The following PTPRO variants were observed in gnomAD, a reference collection of about 807,000 sequenced individuals.
PTPRO encodes the protein protein tyrosine phosphatase receptor type O.
A neutral mutation model predicts 145.2 loss-of-function variants in PTPRO; 62 were observed. The observed-to-expected ratio is 0.43, with a 90% CI of 0.35 to 0.53. The LOEUF (loss-of-function observed/expected upper bound fraction) is 0.53. Among genes scored for constraint, PTPRO ranks in the 20% least tolerant of loss-of-function variants. The pLI is 0.01. For missense variants in PTPRO, 1,345 were observed against 1,482.7 expected (o/e 0.91, Z 1.53); for synonymous variants, 565 against 514.7 (o/e 1.10, Z -1.32).
chr12:15,332,992 T>G (rs1280313343), intron 1 of PTPRO, among the ~76,000 whole-genome samples: 1 of 152,182 alleles, frequency 6.6e-6, no homozygotes, highest in Non-Finnish European at 1.5e-5. Context: ...TCACACAACT[T>G]TAAGCTATTT....
At chr12:15,592,601 C>T (rs1181639557) in intron 25 of PTPRO, among the ~76,000 whole-genome samples, 3 of 152,156 alleles carry the variant, frequency 2.0e-5, no homozygotes, top group Admixed American at 6.5e-5. Context: ...CTTCTTCACG[C>T]AAGTAGAGGC....
At chr12:15,347,789 T>A (rs188354030) in intron 1 of PTPRO, among the ~76,000 whole-genome samples, 1 of 152,228 alleles carries the variant, frequency 6.6e-6, no homozygotes, top group Non-Finnish European at 1.5e-5. Flanking sequence ...ATCTGGTCTA[T>A]TTAGTTACAA....
At chr12:15,498,890 T>C (rs193106004) in intron 3 of PTPRO, among the ~76,000 whole-genome samples, 177 of 152,336 alleles carry the variant, frequency 1.2e-3, no homozygotes, top group Non-Finnish European at 1.9e-3. Context: ...TTCTCTCATT[T>C]CTTTTGAGTT....
At chr12:15,385,923 T>A (rs1939014613) in intron 1 of PTPRO, among the ~76,000 whole-genome samples, 1 of 151,992 alleles carries the variant, frequency 6.6e-6, no homozygotes, top group South Asian at 2.1e-4. Flanking sequence ...TTTCTCAGCC[T>A]TGGTTCTGGG....
intron 16 of PTPRO, among the ~76,000 whole-genome samples, chr12:15,559,485 A>T (rs1943719285): frequency 6.6e-6 from 1 of 152,194 alleles, no homozygotes; most frequent in South Asian, 2.1e-4. Flanking sequence ...AGGCATTTAA[A>T]TCAACAGTCT....
intron 1 of PTPRO, among the ~76,000 whole-genome samples, chr12:15,373,282 T>C (rs974703293): frequency 2.6e-5 from 4 of 152,190 alleles, no homozygotes; most frequent in Admixed American, 2.6e-4. Context: ...AATTGTCTTG[T>C]GAGCAGCATA....
intron 13 of PTPRO, among the ~76,000 whole-genome samples, chr12:15,546,934 T>G (rs573703319): frequency 6.6e-6 from 1 of 152,264 alleles, no homozygotes; most frequent in South Asian, 2.1e-4. Flanking sequence ...CATAAGTCAC[T>G]CCAGGTCAGA....
Position 15,549,077 on chromosome 12 carries a change from A to G in PTPRO, c.2305-17A>G, listed in dbSNP as rs761776188. ...ATGAAGTTAACCTAAAATTTACCTTATTTTCTGAAACCCCAGGAACCAGTT... is the reference window on the plus strand; with the variant it reads ...ATGAAGTTAACCTAAAATTTACCTTGTTTTCTGAAACCCCAGGAACCAGTT... On this transcript the variant is annotated splice_polypyrimidine_tract_variant and intron_variant, in intron 13 of 26. Coordinates refer to ENST00000281171, the MANE Select transcript of PTPRO (RefSeq NM_030667.3). 2 of 1,612,324 alleles carry G rather than the reference A, an allele frequency of 1.2e-6. No homozygotes were observed. The highest frequency in any genetic ancestry group is 1.7e-6 in the Non-Finnish European group (2 of 1,178,882).
At position 15,322,586 on chromosome 12, in the gene PTPRO, G is replaced by A; in HGVS notation, c.-141G>A. The A allele has an allele frequency of 1.4e-6, 1 of 726,880 alleles. No homozygotes were observed. The highest frequency in any genetic ancestry group is 2.5e-6 in the Non-Finnish European group (1 of 403,450). The allele number at this position is 726,880 out of a possible 1,614,324, so 45.0% of individuals were successfully genotyped here. On this transcript the variant is annotated 5_prime_UTR_variant, in exon 1 of 27. Transcript: ENST00000281171. This position sits in a 1 kb window ranked among gnomAD's most constrained non-coding sequence, Gnocchi z 6.3. The stretch of plus-strand genomic sequence containing the variant: ...AGGAGGAAAGGGAGCAGGCGCAGGG[G>A]GACTGGAAAGGCAGCATGCGCTCGC...
At chr12:15,358,475 C>G (rs930567145) in intron 1 of PTPRO, among the ~76,000 whole-genome samples, 1 of 152,118 alleles carries the variant, frequency 6.6e-6, no homozygotes, top group Non-Finnish European at 1.5e-5. Context: ...CTACTCCTAC[C>G]TAACTCCCCC....
In PTPRO at chr12:15,322,681, G is replaced by T. The variant is rs770122069; in HGVS notation, c.-46G>T. On this transcript the variant is annotated 5_prime_UTR_variant, in exon 1 of 27. Coordinates refer to ENST00000281171, the MANE Select transcript of PTPRO (RefSeq NM_030667.3). The surrounding 1 kb of genome is among the most constrained non-coding windows in gnomAD (Gnocchi z 6.3). ...TCGCCATTGTGAGCCGCCGCCGGGGGAGTCCGCTAGCGCAGCCGTGCCCCC... is the reference window on the plus strand; with the variant it reads ...TCGCCATTGTGAGCCGCCGCCGGGGTAGTCCGCTAGCGCAGCCGTGCCCCC... 5.2e-6 allele frequency: 8 copies of T among 1,541,172 alleles called. No homozygotes were observed. The highest frequency in any genetic ancestry group is 1.8e-4 in the Middle Eastern group (1 of 5,458).
chr12:15,400,832 T>C (rs942225268), intron 1 of PTPRO, among the ~76,000 whole-genome samples: 4 of 152,210 alleles, frequency 2.6e-5, no homozygotes, highest in African/African-American at 9.6e-5. Flanking sequence ...GTATCCTCAC[T>C]AAAATATAAG....
intron 1 of PTPRO, among the ~76,000 whole-genome samples, chr12:15,390,793 T>A (rs1401961094): frequency 6.6e-6 from 1 of 152,146 alleles, no homozygotes; most frequent in Non-Finnish European, 1.5e-5. Flanking sequence ...AAATGGCCAA[T>A]ATACCCTGTC....
intron 1 of PTPRO, among the ~76,000 whole-genome samples, chr12:15,448,540 T>C (rs1335980769): frequency 6.6e-6 from 1 of 151,856 alleles, no homozygotes; most frequent in African/African-American, 2.4e-5. Context: ...GTGCACAAGG[T>C]TGTGGAGAAA....
At chr12:15,340,047 G>A (rs959579619) in intron 1 of PTPRO, among the ~76,000 whole-genome samples, 2 of 152,172 alleles carry the variant, frequency 1.3e-5, no homozygotes, top group African/African-American at 4.8e-5. Context: ...TGATAATGAT[G>A]GAGATGATAC....
intron 1 of PTPRO, chr12:15,337,434 C>T (rs1008216039): frequency 5.9e-5 from 9 of 152,182 alleles, no homozygotes; most frequent in African/African-American, 2.2e-4. Context: ...GCAAATCAGC[C>T]TGTTCTGGGA....
At chr12:15,568,021 A>T (rs1457525341) in intron 18 of PTPRO, among the ~76,000 whole-genome samples, 1 of 152,242 alleles carries the variant, frequency 6.6e-6, no homozygotes, top group East Asian at 1.9e-4. Flanking sequence ...TCTCTGGAAG[A>T]TATAACGCCC....
intron 1 of PTPRO, among the ~76,000 whole-genome samples, chr12:15,358,096 T>C (rs1938054594): frequency 1.3e-5 from 2 of 151,360 alleles, no homozygotes; most frequent in South Asian, 4.2e-4. Context: ...GGGACATGGA[T>C]GAAATTGGAA....
At chr12:15,523,486 G>A (rs191362653) in intron 10 of PTPRO, among the ~76,000 whole-genome samples, 1 of 152,078 alleles carries the variant, frequency 6.6e-6, no homozygotes, top group African/African-American at 2.4e-5. Context: ...ATTTATTTAC[G>A]TTTTTTGGCT....
Sources: allele counts gnomAD v4.1 joint callset (sites outside exome capture counted in the v4.1 genomes callset), GRCh38; gene constraint gnomAD v4.1.1; non-coding constraint Gnocchi (gnomAD v3.1); transcripts MANE v1.5; gene names NCBI Gene and HGNC (gene_info 2026-07-23, HGNC 2026-07-21).